The following UFL1 variants were observed in gnomAD, a reference collection of about 807,000 sequenced individuals.
UFL1 encodes E3 UFM1-protein ligase 1.
A neutral mutation model predicts 99.3 loss-of-function variants in UFL1; 78 were observed. That is an observed-to-expected ratio of 0.79 (90% CI 0.65 to 0.95). The LOEUF (loss-of-function observed/expected upper bound fraction) is 0.95, where lower values mean the gene tolerates loss of function less well. UFL1 is among the 40% of genes least tolerant of loss of function. UFL1 has a pLI of 0.00. For synonymous variants in UFL1, 335 were observed against 322.2 expected, an observed-to-expected ratio of 1.04 and a Z score of -0.42; for missense variants, 936 against 937.0, an observed-to-expected ratio of 1.00 and a Z score of 0.01.
intron 8 of UFL1, 23 bp from the exon 9 acceptor site, chr6:96,537,351 C>A (rs1178684948): frequency 1.3e-6 from 2 of 1,516,848 alleles, no homozygotes; most frequent in Non-Finnish European, 8.8e-7. Context: ...CAATTCTAAT[C>A]CAACTTTGTG....
chr6:96,546,978 A>C lies in UFL1; in HGVS notation c.1403-1186A>C, dbSNP rs564373038. 2.6e-5 allele frequency among the ~76,000 whole-genome samples: 4 copies of C among 151,762 alleles called. No individual in the cohort carries two copies. The South Asian group carries it at 8.3e-4, about 31-fold the overall frequency. Reference sequence around the variant, plus strand: ...TCCCAAAAGCAAATGCACCAAAACCAAAAATTGACACATAGGACTTAATTA... The same window carrying C: ...TCCCAAAAGCAAATGCACCAAAACCCAAAATTGACACATAGGACTTAATTA... On this transcript the variant is annotated intron_variant, in intron 12 of 18. Transcript: ENST00000369278.
chr6:96,551,533 AT>A lies in UFL1; in HGVS notation c.1899+23del. 7.0e-7 allele frequency: 1 copy of A among 1,432,008 alleles called. No individual in the cohort carries two copies. The highest frequency in any genetic ancestry group is 9.5e-7 in the Non-Finnish European group (1 of 1,056,300). 88.7% of individuals were successfully genotyped at this position (1,432,008 alleles called of 1,614,324 possible). A position where few individuals can be genotyped will look rare whatever the true frequency, so the allele number is the denominator to read the frequency against. ...GAAAAGGTAAGTAAAGTTTTATTCTATTTACATGTCAGGGCTAGCAGTTTGT... is the reference window on the plus strand; with the variant it reads ...GAAAAGGTAAGTAAAGTTTTATTCTATTACATGTCAGGGCTAGCAGTTTGT... On this transcript the variant is annotated intron_variant, in intron 16 of 18. Transcript: ENST00000369278.
At chr6:96,552,786 A>T (rs1024399284) in intron 18 of UFL1, 124 bp downstream of exon 18, 1 of 867,824 alleles carries the variant, frequency 1.2e-6, no homozygotes, top group African/African-American at 1.8e-5. Flanking sequence ...CCCATTTCCA[A>T]TAATGTGAAC....
chr6:96,536,124 C>A, intron 7 of UFL1, 120 bp from the exon 8 acceptor site: 2 of 968,436 alleles, frequency 2.1e-6, no homozygotes, highest in Non-Finnish European at 2.9e-6. Flanking sequence ...TATGCTATTT[C>A]AACTTCAGAT....
chr6:96,535,814 C>T (rs906145387), intron 7 of UFL1, among the ~76,000 whole-genome samples: 1 of 151,998 alleles, frequency 6.6e-6, no homozygotes, highest in African/African-American at 2.4e-5. Context: ...CTATTATAGT[C>T]TAGGTGTCTT....
chr6:96,554,785 C>A lies in UFL1; in HGVS notation c.*1282C>A, dbSNP rs9784852. The A allele has an allele frequency of 0.022, 3,339 of 152,426 alleles. 50 individuals are homozygous for A. The highest frequency in any genetic ancestry group is 0.03 in the Non-Finnish European group (2,041 of 67,934). The allele number at this position is 152,426 out of a possible 1,614,324, so 9.4% of individuals were successfully genotyped here. On this transcript the variant is annotated 3_prime_UTR_variant, in exon 19 of 19. Coordinates refer to ENST00000369278, the MANE Select transcript of UFL1 (RefSeq NM_015323.5). The stretch of plus-strand genomic sequence containing the variant: ...GCATTATTATTAAACTTGATAGGAA[C>A]GCAACATTAAATTTAAAAATGTTTT...
intron 9 of UFL1, 104 bp from the exon 10 acceptor site, chr6:96,538,527 G>A: frequency 9.4e-7 from 1 of 1,068,736 alleles, no homozygotes; most frequent in South Asian, 2.0e-5. Context: ...AAAAGCCACT[G>A]GACTTAATGA....
chr6:96,553,899 A>C lies in UFL1; in HGVS notation c.*396A>C, dbSNP rs1415517099. 1 of 155,448 alleles carries C rather than the reference A, an allele frequency of 6.4e-6. No individual in the cohort carries two copies. Among genetic ancestry groups the C allele is most frequent in the Non-Finnish European group, 1.4e-5 (1 of 70,366 alleles). The allele number at this position is 155,448 out of a possible 1,614,324, so 9.6% of individuals were successfully genotyped here. A position where few individuals can be genotyped will look rare whatever the true frequency, so the allele number is the denominator to read the frequency against. On this transcript the variant is annotated 3_prime_UTR_variant, in exon 19 of 19. Coordinates refer to ENST00000369278, the MANE Select transcript of UFL1 (RefSeq NM_015323.5). ...GCCAGTATACTTAAATGTATACTTT[A>C]TATACATTTAAGCAGAAATTTAAAA...
At chr6:96,541,224 T>A (rs1027922322) in intron 11 of UFL1, among the ~76,000 whole-genome samples, 4 of 151,464 alleles carry the variant, frequency 2.6e-5, no homozygotes, top group African/African-American at 9.7e-5. Context: ...ACTGTGTTGA[T>A]CTCATTTATT....
chr6:96,526,214 T>G, intron 4 of UFL1, 107 bp from the exon 5 acceptor site: 1 of 821,916 alleles, frequency 1.2e-6, no homozygotes, highest in South Asian at 1.7e-5. Context: ...ACACATTTCA[T>G]TACTTTTGGG....
chr6:96,522,556 C>T (rs942877484), intron 1 of UFL1, among the ~76,000 whole-genome samples: 2 of 152,140 alleles, frequency 1.3e-5, no homozygotes, highest in African/African-American at 4.8e-5. Flanking sequence ...CCTTTCTATT[C>T]TTTGACTACT....
At chr6:96,541,099 TC>T (rs564978279) in intron 11 of UFL1, among the ~76,000 whole-genome samples, 14 of 151,550 alleles carry the variant, frequency 9.2e-5, no homozygotes, top group African/African-American at 3.4e-4. Flanking sequence ...AAATGCCACT[TC>T]CTTAGAGAGG....
At chr6:96,529,511 C>A (rs4365934) in intron 6 of UFL1, among the ~76,000 whole-genome samples, 1 of 152,140 alleles carries the variant, frequency 6.6e-6, no homozygotes, top group East Asian at 1.9e-4. Context: ...GGATACTTTC[C>A]GTTTATTTGA....
chr6:96,528,669 C>G lies in UFL1; in HGVS notation c.596+37C>G, dbSNP rs373143308. 2.1e-5 allele frequency: 32 copies of G among 1,546,198 alleles called. No homozygotes were observed. In the East Asian group the frequency reaches 7.3e-4, roughly 35 times the overall value. ...TTAAAGTATATATATTTGCACATTTCTTTGATCATGGTTTGCATTTTTTTC... is the reference window on the plus strand; with the variant it reads ...TTAAAGTATATATATTTGCACATTTGTTTGATCATGGTTTGCATTTTTTTC... On this transcript the variant is annotated intron_variant, in intron 6 of 18. Transcript: ENST00000369278.
intron 11 of UFL1, among the ~76,000 whole-genome samples, 192 bp from the exon 12 acceptor site, chr6:96,542,699 TTTA>T (rs1290298678): frequency 1.3e-5 from 2 of 151,336 alleles, no homozygotes; most frequent in Non-Finnish European, 3.0e-5. Flanking sequence ...GATTTCATAT[TTTA>T]TTATTAATTT....
At chr6:96,542,015 C>A (rs1769937584) in intron 11 of UFL1, among the ~76,000 whole-genome samples, 1 of 150,964 alleles carries the variant, frequency 6.6e-6, no homozygotes, top group Non-Finnish European at 1.5e-5. Context: ...AGAAAAAGAT[C>A]TTTAGTAATC....
rs760807845 is a variant in UFL1 at position 96,534,257 on chromosome 6, A to G, written c.597-6A>G. The G allele has an allele frequency of 1.4e-5, 22 of 1,522,948 alleles. No homozygotes were observed. Among genetic ancestry groups the G allele is most frequent in the East Asian group, 4.7e-5 (2 of 42,462 alleles). The allele number at this position is 1,522,948 out of a possible 1,614,324, so 94.3% of individuals were successfully genotyped here. On this transcript the variant is annotated splice_region_variant and splice_polypyrimidine_tract_variant and intron_variant, in intron 6 of 18. Transcript: ENST00000369278. Reference sequence around the variant, plus strand: ...GAAGTTTTTTTTTTTTTAACTTTCCATAAAGGCCTACAGCTGTGAATTCTT... The same window carrying G: ...GAAGTTTTTTTTTTTTTAACTTTCCGTAAAGGCCTACAGCTGTGAATTCTT...
rs907693091 is a variant in UFL1 at position 96,554,184 on chromosome 6, CAA to C, written c.*682_*683del. 33 of 152,242 alleles carry C rather than the reference CAA, an allele frequency of 2.2e-4. No homozygotes were observed. The highest frequency in any genetic ancestry group is 7.0e-4 in the African/African-American group (29 of 41,554). 9.4% of individuals were successfully genotyped at this position (152,242 alleles called of 1,614,324 possible). On this transcript the variant is annotated 3_prime_UTR_variant, in exon 19 of 19. Transcript: ENST00000369278. ...GTTCTCTTCTAAAACAAGCTACTAA[CAA>C]GAGAGAGAACACATGCAATTTATTA...
Position 96,553,374 on chromosome 6 carries a change from C to G in UFL1, c.2256C>G (p.Pro752=). The change falls in exon 19 of 19, where the codon CCC becomes CCG. Residue 752 remains proline (P), a synonymous_variant. Coordinates refer to ENST00000369278, the MANE Select transcript of UFL1 (RefSeq NM_015323.5). ...AGAAGACTGGGCAGGGAGATTATCC[C>G]TTGAATAATGAATTAGACAAAGAAC... ...QSKKTGQGDY[P]LNNELDKEQE... 6.2e-7 allele frequency: 1 copy of G among 1,613,710 alleles called. No homozygotes were observed. Among genetic ancestry groups the G allele is most frequent in the Non-Finnish European group, 8.5e-7 (1 of 1,179,786 alleles).
Sources: allele counts gnomAD v4.1 joint callset (sites outside exome capture counted in the v4.1 genomes callset), GRCh38; gene constraint gnomAD v4.1.1; transcripts MANE v1.5; gene names NCBI Gene and HGNC (gene_info 2026-07-23, HGNC 2026-07-21).